The following ZC3H6 variants were observed in gnomAD, a reference collection of about 807,000 sequenced individuals.
ZC3H6 encodes zinc finger CCCH-type containing 6.
Under a neutral mutation model 107.7 loss-of-function variants are expected in ZC3H6, and 40 were observed. That is an observed-to-expected ratio of 0.37 (90% CI 0.29 to 0.48). ZC3H6 has a LOEUF of 0.48. Ranked by LOEUF, ZC3H6 falls within the 20% of genes least tolerant of loss-of-function variation. The pLI is 0.98. For missense variants in ZC3H6, 1,267 were observed against 1,410.4 expected (o/e 0.90, Z 1.63); for synonymous variants, 493 against 487.9 (o/e 1.01, Z -0.14).
rs775161250 is a variant in ZC3H6, at chr2:112,324,340, T to TACC, written c.1531_1533dup (p.Pro511dup). 417 of 1,613,874 alleles carry TACC rather than the reference T, an allele frequency of 2.6e-4. No individual in the cohort carries two copies. The highest frequency in any genetic ancestry group is 3.4e-4 in the Non-Finnish European group (404 of 1,179,876). On this transcript the variant is annotated inframe_insertion, in exon 10 of 12. Coordinates refer to ENST00000409871, the MANE Select transcript of ZC3H6 (RefSeq NM_198581.3). ...CACCCATGTGCAGGACCTCCTGGTC[T>TACC]ACCAGTGCCACAGAGCCCACCTTTA...
intron 1 of ZC3H6, among the ~76,000 whole-genome samples, chr2:112,298,298 G>T (rs1165797508): frequency 6.6e-6 from 1 of 151,970 alleles, no homozygotes; most frequent in Non-Finnish European, 1.5e-5. Flanking sequence ...ACACAAACAG[G>T]CAAAGTATGC....
intron 1 of ZC3H6, among the ~76,000 whole-genome samples, chr2:112,292,700 A>G (rs999868182): frequency 1.3e-5 from 2 of 152,206 alleles, no homozygotes; most frequent in African/African-American, 4.8e-5. Flanking sequence ...CCATTAAGCA[A>G]TCTAAAGCTA....
At chr2:112,314,394 A>T (rs982153754) in intron 5 of ZC3H6, among the ~76,000 whole-genome samples, 2 of 152,184 alleles carry the variant, frequency 1.3e-5, no homozygotes, top group African/African-American at 2.4e-5. Context: ...ATAGCTGTGG[A>T]CACTGACATA....
Position 112,275,976 on chromosome 2 carries a change from G to C in ZC3H6, c.-19G>C, listed in dbSNP as rs781444550. ...CCTCGCAGACCTGCCCTCCAGCCCC[G>C]CCCCGTTCTTGACCAAACATGACAG... is the stretch of plus-strand genomic sequence containing the variant. On this transcript the variant is annotated 5_prime_UTR_variant, in exon 1 of 12. Coordinates refer to ENST00000409871, the MANE Select transcript of ZC3H6 (RefSeq NM_198581.3). 3.1e-5 allele frequency: 47 copies of C among 1,533,218 alleles called. No homozygotes were observed. The East Asian group carries it at 1.2e-3, about 38-fold the overall frequency. The allele number at this position is 1,533,218 out of a possible 1,614,324, so 95.0% of individuals were successfully genotyped here. A position where few individuals can be genotyped will look rare whatever the true frequency, so the allele number is the denominator to read the frequency against.
In ZC3H6 at chr2:112,317,267, A is replaced by C; in HGVS notation, c.911A>C (p.Lys304Thr). 6.3e-7 allele frequency: 1 copy of C among 1,589,526 alleles called. No homozygotes were observed. Among genetic ancestry groups the C allele is most frequent in the Non-Finnish European group, 8.5e-7 (1 of 1,169,836 alleles). Residue 304 changes from lysine to threonine, a missense_variant, in exon 7 of 12, where the codon AAA becomes ACA. Physicochemically the swap from Lys to Thr is moderately conservative, Grantham distance 78. This residue lies in a region of ZC3H6 where 337 missense variants were observed against 361.2 expected (regional missense o/e 0.93). Transcript: ENST00000409871. ...FDHDAELEKR[K>T]EICKFYLQGY... The stretch of plus-strand genomic sequence containing the variant: ...CATGATGCAGAGTTGGAGAAAAGAA[A>C]AGAGATCTGCAAATTTTATTTACAA...
Position 112,338,908 on chromosome 2 carries a change from TATATA to T in ZC3H6, c.*6423_*6427del, listed in dbSNP as rs1677193071. On this transcript the variant is annotated 3_prime_UTR_variant, in exon 12 of 12. Coordinates refer to ENST00000409871, the MANE Select transcript of ZC3H6 (RefSeq NM_198581.3). ...ATATATATATATATATATATATATA[TATATA>T]ATTTTTTTTTTTTGAGACGGAGTCT... 1 of 103,710 alleles carries T rather than the reference TATATA, an allele frequency of 9.6e-6. No homozygotes were observed. Among genetic ancestry groups the T allele is most frequent in the African/African-American group, 3.5e-5 (1 of 28,620 alleles). The allele number at this position is 103,710 out of a possible 1,614,324, so 6.4% of individuals were successfully genotyped here.
At chr2:112,324,061 A>G (rs1056963633) in intron 9 of ZC3H6, 91 bp from the exon 10 acceptor site, 1 of 1,384,910 alleles carries the variant, frequency 7.2e-7, no homozygotes, top group South Asian at 1.6e-5. Context: ...GATGTAAAAA[A>G]AGTACTTAAC....
At chr2:112,278,999 C>T (rs933149588) in intron 1 of ZC3H6, among the ~76,000 whole-genome samples, 3 of 152,180 alleles carry the variant, frequency 2.0e-5, no homozygotes, top group African/African-American at 7.2e-5. Flanking sequence ...ATTTAGTGTA[C>T]TTTCCTTTAA....
intron 1 of ZC3H6, among the ~76,000 whole-genome samples, chr2:112,295,348 TAAACA>T (rs1676212778): frequency 6.6e-6 from 1 of 152,196 alleles, no homozygotes; most frequent in East Asian, 1.9e-4. Context: ...TTGTGTTTAG[TAAACA>T]AAACAGCTCT....
chr2:112,312,091 G>T, intron 5 of ZC3H6, 154 bp downstream of exon 5: 1 of 707,906 alleles, frequency 1.4e-6, no homozygotes, highest in Non-Finnish European at 2.1e-6. Context: ...CCAAAAAATA[G>T]TTGTTAATTA....
chr2:112,312,781 A>C (rs938248911), intron 5 of ZC3H6, among the ~76,000 whole-genome samples: 2 of 151,390 alleles, frequency 1.3e-5, no homozygotes, highest in Non-Finnish European at 2.9e-5. Context: ...AGTCGCTTGA[A>C]CCCAGGAGGC....
intron 1 of ZC3H6, among the ~76,000 whole-genome samples, chr2:112,289,411 G>A (rs1676050614): frequency 6.8e-6 from 1 of 147,126 alleles, no homozygotes; most frequent in East Asian, 2.1e-4. Flanking sequence ...TACAAGCTCC[G>A]CCTCCTGGTT....
chr2:112,282,195 T>C (rs568600958), intron 1 of ZC3H6, among the ~76,000 whole-genome samples: 19 of 152,306 alleles, frequency 1.2e-4, no homozygotes, highest in African/African-American at 4.1e-4. Context: ...CCTGGACAGA[T>C]TGGCTACCAA....
At chr2:112,315,643 G>C (rs1320128584) in intron 5 of ZC3H6, among the ~76,000 whole-genome samples, 3 of 151,806 alleles carry the variant, frequency 2.0e-5, no homozygotes, top group African/African-American at 4.8e-5. Flanking sequence ...GCCCAGGCAG[G>C]AATGCAGTGG....
intron 1 of ZC3H6, 124 bp downstream of exon 1, chr2:112,276,150 A>T (rs1251998533): frequency 1.3e-6 from 1 of 791,372 alleles, no homozygotes; most frequent in Admixed American, 3.1e-5. Flanking sequence ...CGTCAGTTCC[A>T]TGACGCGCAC....
intron 5 of ZC3H6, among the ~76,000 whole-genome samples, chr2:112,314,405 C>T (rs1184165412): frequency 6.6e-6 from 1 of 152,126 alleles, no homozygotes; most frequent in Non-Finnish European, 1.5e-5. Context: ...CACTGACATA[C>T]TTTCTACTCA....
intron 3 of ZC3H6, among the ~76,000 whole-genome samples, chr2:112,305,233 G>C (rs775211906): frequency 6.6e-6 from 1 of 152,132 alleles, no homozygotes; most frequent in African/African-American, 2.4e-5. Flanking sequence ...CTAAGGATGG[G>C]CATTATTATT....
In ZC3H6 at chr2:112,317,198, C is replaced by CTTTTTTTTTTT. The variant is rs564035069; in HGVS notation, c.865-19_865-9dup. 1.6e-5 allele frequency: 16 copies of CTTTTTTTTTTT among 1,027,704 alleles called. 1 individual carries two copies. The highest frequency in any genetic ancestry group is 1.1e-4 in the South Asian group (5 of 44,298). The allele number at this position is 1,027,704 out of a possible 1,614,324, so 63.7% of individuals were successfully genotyped here. ...TGTTTCTTACCTTTTTTTCTTTTTT[C>CTTTTTTTTTTT]TTTTTTTTTTTTTTGTGAATAGGGA... On this transcript the variant is annotated intron_variant, in intron 6 of 11. Coordinates refer to ENST00000409871, the MANE Select transcript of ZC3H6 (RefSeq NM_198581.3).
Position 112,329,446 on chromosome 2 carries a change from A to C in ZC3H6, c.2087-1559A>C, listed in dbSNP as rs1322551310. Among the ~76,000 whole-genome samples, 3 of 152,220 alleles carry C rather than the reference A, an allele frequency of 2.0e-5. No homozygotes were observed. In the East Asian group the frequency reaches 5.8e-4, roughly 29 times the overall value. On this transcript the variant is annotated intron_variant, in intron 11 of 11. Coordinates refer to ENST00000409871, the MANE Select transcript of ZC3H6 (RefSeq NM_198581.3). Reference sequence around the variant, plus strand: ...TGCAGCAGGTAAAAGTGAATCACAAATCCATCTGTAGATTTCCTTGATGTC... The same window carrying C: ...TGCAGCAGGTAAAAGTGAATCACAACTCCATCTGTAGATTTCCTTGATGTC...
Sources: gnomAD v4.1 joint callset for allele counts (sites outside exome capture counted in the v4.1 genomes callset) on GRCh38, gnomAD v4.1.1 for gene constraint, gnomAD v4.1.1 regional missense constraint, MANE v1.5 for transcripts, NCBI Gene and HGNC (gene_info 2026-07-23, HGNC 2026-07-21) for gene names.